The following CPQ variants were observed in gnomAD, a reference collection of about 807,000 sequenced individuals.
The protein encoded by CPQ is carboxypeptidase Q.
Under a neutral mutation model 45.7 loss-of-function variants are expected in CPQ, and 37 were observed. The ratio of observed to expected loss-of-function variants is 0.81; its 90% CI spans 0.62 to 1.07. The LOEUF (loss-of-function observed/expected upper bound fraction) is 1.07. Ranked by LOEUF, CPQ falls within the 50% of genes least tolerant of loss-of-function variation. The probability of loss-of-function intolerance (pLI) is 0.00; values close to 1 mark genes in which losing one functional copy is unlikely to be tolerated. For synonymous variants in CPQ, 186 were observed against 205.8 expected, an observed-to-expected ratio of 0.90 and a Z score of 0.82; for missense variants, 537 against 572.9, an observed-to-expected ratio of 0.94 and a Z score of 0.64.
intron 1 of CPQ, among the ~76,000 whole-genome samples, chr8:96,746,094 G>A (rs1212089296): frequency 6.6e-6 from 1 of 152,168 alleles, no homozygotes; most frequent in Admixed American, 6.5e-5. Flanking sequence ...GCAGTGTTAT[G>A]TGATGTGTAC....
intron 6 of CPQ, among the ~76,000 whole-genome samples, chr8:97,044,595 T>G (rs1810199016): frequency 6.6e-6 from 1 of 152,218 alleles, no homozygotes; most frequent in African/African-American, 2.4e-5. Context: ...CTGCTCTGTT[T>G]TTTCCCCATC....
rs139748504 is a variant in CPQ at position 96,708,035 on chromosome 8, G to C, written c.-35+62633G>C. On this transcript the variant is annotated intron_variant, in intron 1 of 7. Transcript: ENST00000220763. ...TTTATTTTCTGGAGGATTTAGGAGAGAGTCCATTTTCTTTTCCTTTCTAGC... is the reference window on the plus strand; with the variant it reads ...TTTATTTTCTGGAGGATTTAGGAGACAGTCCATTTTCTTTTCCTTTCTAGC... Among the ~76,000 whole-genome samples, 150 of 152,226 alleles carry C rather than the reference G, an allele frequency of 9.9e-4. 1 individual carries two copies. The highest frequency in any genetic ancestry group is 3.5e-3 in the African/African-American group (145 of 41,560).
At chr8:96,850,238 G>A (rs893720301) in intron 3 of CPQ, among the ~76,000 whole-genome samples, 6 of 152,292 alleles carry the variant, frequency 3.9e-5, no homozygotes, top group African/African-American at 9.6e-5. Context: ...CTTGTGAAAA[G>A]GTAAGCTTTC....
intron 1 of CPQ, among the ~76,000 whole-genome samples, chr8:96,743,763 G>T (rs991708763): frequency 6.6e-5 from 10 of 152,180 alleles, no homozygotes; most frequent in African/African-American, 1.9e-4. Context: ...CCCCTGCTGG[G>T]GGGTGCCTCC....
At chr8:97,114,203 A>G (rs1351580373) in intron 7 of CPQ, among the ~76,000 whole-genome samples, 1 of 152,176 alleles carries the variant, frequency 6.6e-6, no homozygotes, top group Non-Finnish European at 1.5e-5. Flanking sequence ...ATAGGAGAAG[A>G]GGAAACCAGG....
At chr8:96,840,268 G>C (rs754200557) in intron 3 of CPQ, among the ~76,000 whole-genome samples, 10 of 152,174 alleles carry the variant, frequency 6.6e-5, no homozygotes, top group Non-Finnish European at 1.5e-4. Flanking sequence ...GGCCTCCTAG[G>C]GGGTCAGAGA....
chr8:97,043,447 C>T (rs1416898676), intron 6 of CPQ, among the ~76,000 whole-genome samples: 3 of 152,072 alleles, frequency 2.0e-5, no homozygotes, highest in Non-Finnish European at 4.4e-5. Flanking sequence ...TCCAGTTTGC[C>T]AGTCTGTGTC....
intron 1 of CPQ, among the ~76,000 whole-genome samples, chr8:96,698,460 C>A (rs1253157694): frequency 2.0e-5 from 3 of 151,848 alleles, no homozygotes; most frequent in Non-Finnish European, 2.9e-5. Flanking sequence ...TTCAGTAATA[C>A]CCCACAAGCA....
At chr8:97,080,233 G>A (rs915175859) in intron 7 of CPQ, among the ~76,000 whole-genome samples, 4 of 152,162 alleles carry the variant, frequency 2.6e-5, no homozygotes, top group South Asian at 4.1e-4. Flanking sequence ...ATTGCATTGC[G>A]ATTGGCAGTG....
intron 3 of CPQ, among the ~76,000 whole-genome samples, chr8:96,871,883 G>A (rs1812073483): frequency 1.3e-5 from 2 of 151,936 alleles, no homozygotes; most frequent in South Asian, 4.1e-4. Context: ...TATATATAGA[G>A]ATGCAGAGAA....
chr8:97,112,307 AT>A (rs1409233766), intron 7 of CPQ, among the ~76,000 whole-genome samples: 3 of 152,166 alleles, frequency 2.0e-5, no homozygotes, highest in African/African-American at 7.2e-5. Context: ...CCTGACTGCC[AT>A]CTTAGTAAAA....
chr8:96,788,078 CTTTCT>C (rs531554255), intron 2 of CPQ, among the ~76,000 whole-genome samples: 1 of 148,734 alleles, frequency 6.7e-6, no homozygotes. Context: ...TCTTTTCTTT[CTTTCT>C]TTTTTTTTTA....
At chr8:96,721,918 C>G (rs904286965) in intron 1 of CPQ, among the ~76,000 whole-genome samples, 1 of 152,236 alleles carries the variant, frequency 6.6e-6, no homozygotes, top group Non-Finnish European at 1.5e-5. Flanking sequence ...TGTCTCCCCA[C>G]TTTACTTGGC....
intron 4 of CPQ, among the ~76,000 whole-genome samples, chr8:96,893,756 G>T (rs1367489578): frequency 6.6e-6 from 1 of 152,068 alleles, no homozygotes; most frequent in Non-Finnish European, 1.5e-5. Flanking sequence ...ATGCTTTAAG[G>T]ATTACCTGAA....
chr8:96,979,682 G>A (rs569793068), intron 5 of CPQ, among the ~76,000 whole-genome samples: 9 of 152,208 alleles, frequency 5.9e-5, no homozygotes, highest in African/African-American at 2.2e-4. Context: ...TTTTTTAATT[G>A]CCGTGGAACG....
chr8:96,676,929 G>T (rs1809084245), intron 1 of CPQ, among the ~76,000 whole-genome samples: 1 of 151,926 alleles, frequency 6.6e-6, no homozygotes, highest in South Asian at 2.1e-4. Context: ...ATACAATACT[G>T]GTTTTCCATT....
intron 2 of CPQ, among the ~76,000 whole-genome samples, chr8:96,818,282 A>C (rs985268000): frequency 6.6e-6 from 1 of 151,908 alleles, no homozygotes; most frequent in African/African-American, 2.4e-5. Context: ...AGCAACATTT[A>C]TTGATTAGGT....
intron 5 of CPQ, among the ~76,000 whole-genome samples, chr8:96,972,726 T>C (rs2853261): frequency 0.5 from 76,213 of 152,016 alleles, 21,271 homozygotes; most frequent in African/African-American, 0.77. Context: ...GCAGACACTC[T>C]CCAGTACCAG....
intron 1 of CPQ, among the ~76,000 whole-genome samples, chr8:96,665,065 G>C (rs141230162): frequency 1.3e-5 from 2 of 152,146 alleles, no homozygotes; most frequent in African/African-American, 4.8e-5. Flanking sequence ...CAGAGGGTCC[G>C]AGGAAACAAT....
Sources: allele counts gnomAD v4.1 joint callset (sites outside exome capture counted in the v4.1 genomes callset), GRCh38; gene constraint gnomAD v4.1.1; transcripts MANE v1.5; gene names NCBI Gene and HGNC (gene_info 2026-07-23, HGNC 2026-07-21).